PTPRD: variants seen among roughly 807,000 people sequenced by gnomAD.
PTPRD encodes the protein receptor-type tyrosine-protein phosphatase delta.
In PTPRD, 34 loss-of-function variants were observed where a neutral mutation model predicts 214.5. The ratio of observed to expected loss-of-function variants is 0.16; its 90% confidence interval spans 0.12 to 0.21. The LOEUF is 0.21. PTPRD is among the 10% of genes least tolerant of loss of function. The pLI is 1.00. For synonymous variants in PTPRD, 1,128 were observed against 845.7 expected, an observed-to-expected ratio of 1.33 and a Z score of -5.79; for missense variants, 2,545 against 2,398.7, an observed-to-expected ratio of 1.06 and a Z score of -1.27.
intron 14 of PTPRD, among the ~76,000 whole-genome samples, chr9:8,595,602 C>A (rs540453447): frequency 5.9e-5 from 9 of 152,238 alleles, no homozygotes; most frequent in African/African-American, 1.9e-4. Flanking sequence ...AGTTTAAGAG[C>A]ATCAAGATAA....
intron 11 of PTPRD, among the ~76,000 whole-genome samples, chr9:8,806,153 G>A (rs1452963410): frequency 1.3e-5 from 2 of 150,922 alleles, no homozygotes; most frequent in East Asian, 4.0e-4. Flanking sequence ...TCGAACTCCT[G>A]ATCTCAGGTG....
intron 3 of PTPRD, among the ~76,000 whole-genome samples, chr9:10,208,268 A>G (rs1166375917): frequency 5.9e-5 from 9 of 152,200 alleles, no homozygotes; most frequent in South Asian, 2.1e-4. Context: ...TAATCCCAGC[A>G]CTTTGGGTGG....
At chr9:8,678,533 G>T (rs1308622098) in intron 12 of PTPRD, among the ~76,000 whole-genome samples, 1 of 152,008 alleles carries the variant, frequency 6.6e-6, no homozygotes, top group East Asian at 1.9e-4. Flanking sequence ...TTTAACGAGG[G>T]CAAAAGACAG....
At chr9:8,377,710 A>G (rs2083678003) in intron 37 of PTPRD, among the ~76,000 whole-genome samples, 1 of 152,104 alleles carries the variant, frequency 6.6e-6, no homozygotes, top group African/African-American at 2.4e-5. Flanking sequence ...ACACCTTTCT[A>G]TTTGAAAAAG....
intron 11 of PTPRD, among the ~76,000 whole-genome samples, chr9:9,000,415 T>A (rs925181199): frequency 4.6e-5 from 7 of 151,916 alleles, no homozygotes; most frequent in African/African-American, 1.5e-4. Flanking sequence ...AAGACAGAAA[T>A]GGAAATGACA....
At chr9:9,401,896 C>T (rs946562051) in intron 8 of PTPRD, among the ~76,000 whole-genome samples, 14 of 151,888 alleles carry the variant, frequency 9.2e-5, no homozygotes, top group African/African-American at 2.7e-4. Flanking sequence ...CTTCTCCTTC[C>T]GCCATTATTG....
intron 14 of PTPRD, among the ~76,000 whole-genome samples, chr9:8,616,704 A>T (rs1226198506): frequency 6.6e-6 from 1 of 152,170 alleles, no homozygotes; most frequent in East Asian, 1.9e-4. Flanking sequence ...CTACTTTCAG[A>T]GCATATCTCA....
intron 3 of PTPRD, among the ~76,000 whole-genome samples, chr9:10,205,735 G>A (rs543317382): frequency 6.6e-6 from 1 of 152,032 alleles, no homozygotes; most frequent in African/African-American, 2.4e-5. Context: ...TAGCAATACA[G>A]TCATTGGTAA....
rs185448507 is a variant in PTPRD at position 9,345,182 on chromosome 9, T to C, written c.-203+52267A>G. ...GACAAAGTACCATATTCACACATTC[T>C]TTCATATGAATATTCTTCCTTACTG... On this transcript the variant is annotated intron_variant, in intron 9 of 45. Coordinates refer to ENST00000381196, the MANE Select transcript of PTPRD (RefSeq NM_002839.4). 2.1e-3 allele frequency among the ~76,000 whole-genome samples: 325 copies of C among 152,298 alleles called. 2 individuals are homozygous for C. Among genetic ancestry groups the C allele is most frequent in the Non-Finnish European group, 1.7e-3 (119 of 68,024 alleles).
chr9:10,517,184 T>C (rs1487753996), intron 2 of PTPRD, among the ~76,000 whole-genome samples: 2 of 152,062 alleles, frequency 1.3e-5, no homozygotes, highest in African/African-American at 4.8e-5. Context: ...CAGTATCCAG[T>C]ATCCCAATTC....
chr9:8,388,757 C>T (rs2088211204), intron 37 of PTPRD, among the ~76,000 whole-genome samples: 1 of 152,128 alleles, frequency 6.6e-6, no homozygotes, highest in South Asian at 2.1e-4. Flanking sequence ...TTCCAGCTGC[C>T]CTGACTTAAT....
chr9:10,261,247 T>C (rs1259946982), intron 3 of PTPRD, among the ~76,000 whole-genome samples: 1 of 151,554 alleles, frequency 6.6e-6, no homozygotes, highest in East Asian at 1.9e-4. Flanking sequence ...ACACCTGCTA[T>C]CAAATGAATC....
intron 10 of PTPRD, among the ~76,000 whole-genome samples, chr9:9,062,646 AG>A (rs1360264302): frequency 2.0e-5 from 3 of 152,300 alleles, no homozygotes; most frequent in East Asian, 3.9e-4. Context: ...TAGCTGATTA[AG>A]CAGGAAGAGT....
intron 4 of PTPRD, among the ~76,000 whole-genome samples, chr9:9,956,641 A>T (rs1242407204): frequency 6.6e-6 from 1 of 152,154 alleles, no homozygotes; most frequent in Non-Finnish European, 1.5e-5. Context: ...TATTTCAGAT[A>T]ATTAAGGTAG....
chr9:8,372,452 C>T (rs528107830), intron 39 of PTPRD, among the ~76,000 whole-genome samples: 4 of 152,042 alleles, frequency 2.6e-5, no homozygotes, highest in Non-Finnish European at 4.4e-5. Context: ...ATTGCTATAG[C>T]GTTATCCCAT....
At chr9:9,275,199 T>TATAA (rs1491465404) in intron 9 of PTPRD, among the ~76,000 whole-genome samples, 1 of 10,394 alleles carries the variant, frequency 9.6e-5, no homozygotes, top group African/African-American at 2.4e-4. Context: ...TATATATATA[T>TATAA]TATATATATA....
chr9:8,762,328 T>C (rs1040680454), intron 11 of PTPRD, among the ~76,000 whole-genome samples: 4 of 152,148 alleles, frequency 2.6e-5, no homozygotes, highest in Non-Finnish European at 4.4e-5. Context: ...AGAAGCACCC[T>C]TATTGTTAGG....
chr9:9,541,405 A>T (rs1011346112), intron 8 of PTPRD, among the ~76,000 whole-genome samples: 1 of 151,770 alleles, frequency 6.6e-6, no homozygotes, highest in African/African-American at 2.4e-5. Flanking sequence ...AGGCCCCAGA[A>T]ATAGGAGAGA....
chr9:8,575,918 A>C (rs918680669), intron 14 of PTPRD, among the ~76,000 whole-genome samples: 6 of 152,208 alleles, frequency 3.9e-5, no homozygotes, highest in African/African-American at 9.6e-5. Context: ...TGAACTCCAT[A>C]ATCGACTCTG....
Sources: allele counts gnomAD v4.1 joint callset (sites outside exome capture counted in the v4.1 genomes callset), GRCh38; gene constraint gnomAD v4.1.1; transcripts MANE v1.5; gene names NCBI Gene and HGNC (gene_info 2026-07-23, HGNC 2026-07-21).